UBQLN1: variants seen among roughly 807,000 people sequenced by gnomAD.
UBQLN1 encodes ubiquilin-1.
In UBQLN1, 13 loss-of-function variants were observed where a neutral mutation model predicts 65.4. The ratio of observed to expected loss-of-function variants is 0.20; its 90% confidence interval spans 0.13 to 0.32. The LOEUF is 0.32. Ranked by LOEUF, UBQLN1 falls within the 10% of genes least tolerant of loss-of-function variation. UBQLN1 has a pLI of 1.00. For missense variants in UBQLN1, 561 were observed against 724.0 expected (o/e 0.77, Z 2.58); for synonymous variants, 267 against 247.8 (o/e 1.08, Z -0.73).
At chr9:83,695,151 A>C (rs374835504) in intron 1 of UBQLN1, among the ~76,000 whole-genome samples, 1 of 147,198 alleles carries the variant, frequency 6.8e-6, no homozygotes, top group Non-Finnish European at 1.5e-5. Flanking sequence ...GAATCACCCA[A>C]AAAAAAAAAA....
chr9:83,672,944 T>C (rs1476962679), intron 6 of UBQLN1, among the ~76,000 whole-genome samples: 1 of 152,206 alleles, frequency 6.6e-6, no homozygotes, highest in Non-Finnish European at 1.5e-5. Context: ...TGCTTTTATG[T>C]TTCAAGGCCA....
At chr9:83,691,842 C>T (rs1832134032) in intron 1 of UBQLN1, among the ~76,000 whole-genome samples, 1 of 152,210 alleles carries the variant, frequency 6.6e-6, no homozygotes, top group South Asian at 2.1e-4. Flanking sequence ...TATGGCACTT[C>T]ATGCTAAAAG....
At chr9:83,683,718 T>C (rs529564841) in intron 2 of UBQLN1, among the ~76,000 whole-genome samples, 106 of 152,216 alleles carry the variant, frequency 7.0e-4, no homozygotes, top group Admixed American at 2.6e-3. Context: ...AAAGCTTGAC[T>C]ATATAAAAAA....
chr9:83,662,271 T>TACAC lies in UBQLN1; in HGVS notation c.1618-333_1618-332insGTGT, dbSNP rs545130983. Among the ~76,000 whole-genome samples, 234 of 102,316 alleles carry TACAC rather than the reference T, an allele frequency of 2.3e-3. 3 individuals carry two copies. Among genetic ancestry groups the TACAC allele is most frequent in the African/African-American group, 6.9e-3 (171 of 24,920 alleles). The allele number at this position is 102,316 out of a possible 152,430, so 67.1% of individuals were successfully genotyped here. On this transcript the variant is annotated intron_variant, in intron 10 of 10. Coordinates refer to ENST00000376395, the MANE Select transcript of UBQLN1 (RefSeq NM_013438.5). ...ATGTGTGTGTGTATATACATATACA[T>TACAC]ATACACACACACACACACACACACA...
In UBQLN1 at chr9:83,662,271, TATACACACACACACACACAC is replaced by T. The variant is rs1831572419; in HGVS notation, c.1618-352_1618-333del. 3.8e-4 allele frequency among the ~76,000 whole-genome samples: 39 copies of T among 102,252 alleles called. 1 individual carries two copies. Among genetic ancestry groups the T allele is most frequent in the Admixed American group, 3.1e-3 (29 of 9,372 alleles). 67.1% of individuals were successfully genotyped at this position (102,252 alleles called of 152,430 possible). ...ATGTGTGTGTGTATATACATATACA[TATACACACACACACACACAC>T]ACACACACACACACACACACACAGA... is the stretch of plus-strand genomic sequence containing the variant. On this transcript the variant is annotated intron_variant, in intron 10 of 10. Transcript: ENST00000376395.
chr9:83,693,443 G>GTT (rs763958923), intron 1 of UBQLN1, among the ~76,000 whole-genome samples: 1 of 149,906 alleles, frequency 6.7e-6, no homozygotes, highest in Non-Finnish European at 1.5e-5. Context: ...AAGGTATCTT[G>GTT]TATCTGCCTT....
At position 83,678,447 on chromosome 9, in the gene UBQLN1, T is replaced by C. The variant is rs1831880334; in HGVS notation, c.864A>G (p.Gln288=). 2 of 1,609,860 alleles carry C rather than the reference T, an allele frequency of 1.2e-6. No individual in the cohort carries two copies. Among genetic ancestry groups the C allele is most frequent in the Non-Finnish European group, 1.7e-6 (2 of 1,178,568 alleles). The change falls in exon 5 of 11, where the codon CAA becomes CAG. Residue 288 remains glutamine, a synonymous_variant. Transcript: ENST00000376395. ...DIQEPMLSAA[Q]EQFGGNPFAS... is the part of the protein sequence containing the mutation. ...CTTGGAGCCAGTGGATCACCTGCTCTTGTGCAGCACTCAGCATTGGTTCCT... is the reference window on the plus strand; with the variant it reads ...CTTGGAGCCAGTGGATCACCTGCTCCTGTGCAGCACTCAGCATTGGTTCCT...
intron 9 of UBQLN1, 83 bp downstream of exon 9, chr9:83,664,943 AAAAG>A: frequency 3.6e-6 from 3 of 832,784 alleles, no homozygotes; most frequent in Non-Finnish European, 3.5e-6. Flanking sequence ...AAAAAAAAAA[AAAAG>A]GCAGGCAGAA....
At chr9:83,688,319 A>G (rs1193974684) in intron 1 of UBQLN1, among the ~76,000 whole-genome samples, 1 of 152,210 alleles carries the variant, frequency 6.6e-6, no homozygotes, top group East Asian at 1.9e-4. Context: ...ACACTGATAC[A>G]GCTAATAAAC....
At chr9:83,690,709 G>T (rs1185918152) in intron 1 of UBQLN1, among the ~76,000 whole-genome samples, 1 of 150,854 alleles carries the variant, frequency 6.6e-6, no homozygotes, top group African/African-American at 2.4e-5. Flanking sequence ...ACTCCAGCTT[G>T]GTCAACAGCT....
intron 1 of UBQLN1, among the ~76,000 whole-genome samples, chr9:83,694,090 T>C (rs1832170325): frequency 6.6e-6 from 1 of 152,200 alleles, no homozygotes. Flanking sequence ...CATTTCAAAA[T>C]CCAAACATCC....
intron 1 of UBQLN1, among the ~76,000 whole-genome samples, chr9:83,699,094 G>C (rs1587663447): frequency 6.6e-6 from 1 of 152,140 alleles, no homozygotes; most frequent in African/African-American, 2.4e-5. Context: ...TAGAGGTGGG[G>C]GAATGGGGAA....
chr9:83,682,436 A>G (rs1309264217), intron 3 of UBQLN1, among the ~76,000 whole-genome samples: 1 of 152,106 alleles, frequency 6.6e-6, no homozygotes, highest in African/African-American at 2.4e-5. Context: ...TATGGATGGC[A>G]TCACTGCACT....
chr9:83,683,503 A>T (rs546495225), intron 2 of UBQLN1, among the ~76,000 whole-genome samples: 1 of 151,966 alleles, frequency 6.6e-6, no homozygotes, highest in African/African-American at 2.4e-5. Context: ...ATTATCATTT[A>T]GTAAAAAGCC....
At chr9:83,682,822 ATG>A in intron 3 of UBQLN1, 127 bp downstream of exon 3, 1 of 465,272 alleles carries the variant, frequency 2.1e-6, no homozygotes, top group Non-Finnish European at 3.8e-6. Context: ...ATAGGAATGT[ATG>A]TTTTTTTTTT....
Position 83,707,927 on chromosome 9 carries a change from A to C in UBQLN1, c.-248T>G, listed in dbSNP as rs1001057942. 1 of 514,756 alleles carries C rather than the reference A, an allele frequency of 1.9e-6. No individual in the cohort carries two copies. Among genetic ancestry groups the C allele is most frequent in the Non-Finnish European group, 3.3e-6 (1 of 301,338 alleles). The allele number at this position is 514,756 out of a possible 1,614,324, so 31.9% of individuals were successfully genotyped here. A position where few individuals can be genotyped will look rare whatever the true frequency, so the allele number is the denominator to read the frequency against. On this transcript the variant is annotated 5_prime_UTR_variant, in exon 1 of 11. Coordinates refer to ENST00000376395, the MANE Select transcript of UBQLN1 (RefSeq NM_013438.5). ...GTTCAGGCGCCGCTCGCTCACACCG[A>C]CATCCGCAGCAGCCACCGCTTCCTC... is the stretch of plus-strand genomic sequence containing the variant.
intron 1 of UBQLN1, among the ~76,000 whole-genome samples, chr9:83,698,593 T>C (rs1261742190): frequency 6.6e-6 from 1 of 152,144 alleles, no homozygotes; most frequent in Non-Finnish European, 1.5e-5. Flanking sequence ...GGTACATACA[T>C]ATAATGGAAT....
intron 4 of UBQLN1, 103 bp downstream of exon 4, chr9:83,679,672 T>C: frequency 7.9e-7 from 1 of 1,273,434 alleles, no homozygotes; most frequent in Non-Finnish European, 1.1e-6. Flanking sequence ...GATTTCTCTC[T>C]TTAGCTTAAC....
At chr9:83,703,666 C>G (rs80268574) in intron 1 of UBQLN1, among the ~76,000 whole-genome samples, 5,433 of 152,236 alleles carry the variant, frequency 0.036, 289 homozygotes, top group African/African-American at 0.12. Context: ...TTCTCACTAC[C>G]TATTCTAGCA....
Sources: allele counts gnomAD v4.1 joint callset (sites outside exome capture counted in the v4.1 genomes callset), GRCh38; gene constraint gnomAD v4.1.1; transcripts MANE v1.5; gene names NCBI Gene and HGNC (gene_info 2026-07-23, HGNC 2026-07-21).